Variants in ACBD4 observed in about 807,000 individuals in gnomAD.
ACBD4 encodes the protein acyl-CoA binding domain containing 4.
In ACBD4, 41 loss-of-function variants were observed where a neutral mutation model predicts 46.0. The ratio of observed to expected loss-of-function variants is 0.89; its 90% CI spans 0.69 to 1.16. The LOEUF is 1.16. Among genes scored for constraint, ACBD4 ranks in the 50% most tolerant of loss-of-function variants. The pLI is 0.00. For missense variants in ACBD4, 393 were observed against 399.5 expected, an observed-to-expected ratio of 0.98 and a Z score of 0.14; for synonymous variants, 162 against 155.9, an observed-to-expected ratio of 1.04 and a Z score of -0.29.
At chr17:45,140,870 G>C (rs1381024728) in intron 9 of ACBD4, among the ~76,000 whole-genome samples, 4 of 152,078 alleles carry the variant, frequency 2.6e-5, no homozygotes, top group Admixed American at 2.6e-4. Flanking sequence ...AAACTTAGCT[G>C]GGCGAGGTGG....
intron 6 of ACBD4, 21 bp downstream of exon 6, chr17:45,137,475 G>T (rs763590435): frequency 6.2e-7 from 1 of 1,613,588 alleles, no homozygotes; most frequent in Non-Finnish European, 8.5e-7. Context: ...GAGCAGGAGG[G>T]GTGGACCAAA....
chr17:45,134,105 G>C (rs1445047568), upstream of ACBD4, among the ~76,000 whole-genome samples: 3 of 152,166 alleles, frequency 2.0e-5, no homozygotes, highest in Admixed American at 2.0e-4. Context: ...TCATTCCTTT[G>C]TATTAGGAAC....
Position 45,139,051 on chromosome 17 carries a change from AG to A in ACBD4, c.682del (p.Glu228SerfsTer102). ...EGLRGSPPGP[Q>X]ELDVWLLGTV... ...TTGCGGGGCAGCCCGCCGGGGCCCC[AG>A]GAGTTGGACGTGTGGCTGCTGGGGA... On this transcript the variant is annotated frameshift_variant, in exon 9 of 10. Coordinates refer to ENST00000321854, the MANE Select transcript of ACBD4 (RefSeq NM_001135705.3). LOFTEE classifies it high-confidence loss of function. The A allele has an allele frequency of 6.2e-7, 1 of 1,613,676 alleles. No homozygotes were observed. Among genetic ancestry groups the A allele is most frequent in the South Asian group, 1.1e-5 (1 of 91,074 alleles).
At chr17:45,140,356 T>A (rs1399378501) in intron 9 of ACBD4, among the ~76,000 whole-genome samples, 1 of 150,912 alleles carries the variant, frequency 6.6e-6, no homozygotes, top group Non-Finnish European at 1.5e-5. Context: ...ATACTTTTTG[T>A]ATTTTTAGTA....
intron 8 of ACBD4, among the ~76,000 whole-genome samples, chr17:45,138,698 G>C (rs1234439740): frequency 6.6e-6 from 1 of 151,554 alleles, no homozygotes; most frequent in African/African-American, 2.4e-5. Context: ...TGAGGCAGGA[G>C]AATCGCTTGA....
At chr17:45,132,329 C>T, upstream of ACBD4, 4 of 1,238,508 alleles carry the variant, frequency 3.2e-6, no homozygotes, top group South Asian at 8.0e-5. This position sits in a 1 kb window ranked among gnomAD's most constrained non-coding sequence, Gnocchi z 4.6. Context: ...GCGACCGGCG[C>T]CGCGACTTGG....
rs1341465790 is a variant in ACBD4, at chr17:45,143,556, G to A, written c.903G>A (p.Arg301=). ...TCCAGTGGCTCTTCCGAATGTTTCGGACCCAAAAGAGGTGACTGTCAGTGG... is the reference window on the plus strand; with the variant it reads ...TCCAGTGGCTCTTCCGAATGTTTCGAACCCAAAAGAGGTGACTGTCAGTGG... ...FVVQWLFRMF[R]TQKR Residue 301 remains arginine, a synonymous_variant, in exon 10 of 10, where the codon CGG becomes CGA. Transcript: ENST00000321854. 15 of 1,614,112 alleles carry A rather than the reference G, an allele frequency of 9.3e-6. No homozygotes were observed. Among genetic ancestry groups the A allele is most frequent in the Non-Finnish European group, 1.3e-5 (15 of 1,180,008 alleles).
intron 9 of ACBD4, 139 bp from the exon 10 acceptor site, chr17:45,143,304 A>AGGT: frequency 1.4e-6 from 1 of 707,022 alleles, no homozygotes; most frequent in Non-Finnish European, 2.3e-6. Flanking sequence ...TGTCAGGACC[A>AGGT]CCTGGGGGCC....
Position 45,138,171 on chromosome 17 carries a change from C to T in ACBD4, c.649+183C>T, listed in dbSNP as rs561817426. The T allele has an allele frequency of 2.3e-4, 151 of 664,408 alleles. 2 individuals carry two copies. The highest frequency in any genetic ancestry group is 9.5e-4 in the South Asian group (50 of 52,612). The allele number at this position is 664,408 out of a possible 1,614,324, so 41.2% of individuals were successfully genotyped here. Reference sequence around the variant, plus strand: ...TACCTGCCTGGATGGGCAAAGTCCCCGCCCTCCCTCCTCTCCCCAAAGGGC... The same window carrying T: ...TACCTGCCTGGATGGGCAAAGTCCCTGCCCTCCCTCCTCTCCCCAAAGGGC... On this transcript the variant is annotated intron_variant, in intron 8 of 9. Transcript: ENST00000321854.
intron 4 of ACBD4, 112 bp downstream of exon 4, chr17:45,136,888 C>T: frequency 6.3e-7 from 1 of 1,579,228 alleles, no homozygotes; most frequent in Non-Finnish European, 8.7e-7. Flanking sequence ...GAATCACCAC[C>T]TTCATGTTAC....
intron 8 of ACBD4, 187 bp downstream of exon 8, chr17:45,138,175 C>T (rs959372035): frequency 3.1e-6 from 2 of 646,184 alleles, no homozygotes; most frequent in Non-Finnish European, 5.3e-6. Flanking sequence ...AGTCCCCGCC[C>T]TCCCTCCTCT....
At chr17:45,139,233 CTT>C in intron 9 of ACBD4, 73 bp downstream of exon 9, 1 of 1,559,210 alleles carries the variant, frequency 6.4e-7, no homozygotes, top group Non-Finnish European at 8.8e-7. Flanking sequence ...CTTCCAGCCA[CTT>C]TTGTTTTTGT....
rs1237761984 is a variant in ACBD4 at position 45,136,197 on chromosome 17, C to G, written c.53C>G (p.Ala18Gly). The G allele has an allele frequency of 6.2e-7, 1 of 1,613,636 alleles. No individual in the cohort carries two copies. Among genetic ancestry groups the G allele is most frequent in the Non-Finnish European group, 8.5e-7 (1 of 1,179,860 alleles). ...PEPDCQKQFQ[A>G]AVSVIQNLPK... The stretch of plus-strand genomic sequence containing the variant: ...CCCGACTGCCAGAAACAGTTCCAGG[C>G]TGCAGTGAGCGTCATCCAGAACCTG... Residue 18 changes from alanine to glycine, a missense_variant, in exon 2 of 10, where the codon GCT (alanine) becomes GGT (glycine). Around this residue, in one of 3 missense-constraint regions of ACBD4, gnomAD observed 61 missense variants for 50.3 expected, o/e 1.21. Transcript: ENST00000321854.
chr17:45,135,042 T>G (rs2054720813), upstream of ACBD4, among the ~76,000 whole-genome samples: 1 of 150,998 alleles, frequency 6.6e-6, no homozygotes. Flanking sequence ...CTTGGCTCAC[T>G]GCAATCTCCA....
At chr17:45,136,934 A>G in intron 4 of ACBD4, 85 bp from the exon 5 acceptor site, 1 of 1,602,452 alleles carries the variant, frequency 6.2e-7, no homozygotes, top group Non-Finnish European at 8.5e-7. Context: ...CTGACTGGGC[A>G]CAGGGTGGAG....
chr17:45,142,554 CTTTT>C (rs531814036), intron 9 of ACBD4: 1,370 of 169,756 alleles, frequency 8.1e-3, no homozygotes, highest in Middle Eastern at 0.019. Context: ...CACAGTAATT[CTTTT>C]TTTTTTTTTT....
chr17:45,132,722 G>A (rs2054501242), upstream of ACBD4: 1 of 183,844 alleles, frequency 5.4e-6, no homozygotes, highest in Non-Finnish European at 1.1e-5. This position sits in a 1 kb window ranked among gnomAD's most constrained non-coding sequence, Gnocchi z 4.6. Flanking sequence ...AGGGTGACTA[G>A]AGCCCCCATG....
At chr17:45,138,367 A>C in intron 8 of ACBD4, 1 of 311,530 alleles carries the variant, frequency 3.2e-6, no homozygotes, top group Non-Finnish European at 6.0e-6. Flanking sequence ...CCCTTCTAGA[A>C]CTCCTGTTGT....
chr17:45,139,339 T>C (rs1328472514), intron 9 of ACBD4, among the ~76,000 whole-genome samples, 179 bp downstream of exon 9: 1 of 152,180 alleles, frequency 6.6e-6, no homozygotes, highest in African/African-American at 2.4e-5. Context: ...GGGGCTGACA[T>C]GCTTCTACTC....
Sources: gnomAD v4.1 joint callset for allele counts (sites outside exome capture counted in the v4.1 genomes callset) on GRCh38, gnomAD v4.1.1 for gene constraint, gnomAD v4.1.1 regional missense constraint, Gnocchi (gnomAD v3.1) non-coding constraint, MANE v1.5 for transcripts, NCBI Gene and HGNC (gene_info 2026-07-23, HGNC 2026-07-21) for gene names.